Variants in PCK2 observed in about 807,000 individuals in gnomAD.
PCK2 encodes phosphoenolpyruvate carboxykinase [GTP], mitochondrial.
In PCK2, 56 loss-of-function variants were observed where a neutral mutation model predicts 65.9. The observed-to-expected ratio is 0.85, with a 90% CI of 0.69 to 1.06. PCK2 has a LOEUF of 1.06. Ranked by LOEUF, PCK2 falls within the 50% of genes least tolerant of loss-of-function variation. PCK2 has a pLI of 0.00. For synonymous variants in PCK2, 305 were observed against 319.6 expected, an observed-to-expected ratio of 0.95 and a Z score of 0.49; for missense variants, 843 against 863.1, an observed-to-expected ratio of 0.98 and a Z score of 0.29.
At chr14:24,098,779 C>A in intron 4 of PCK2, 101 bp downstream of exon 4, 1 of 1,000,960 alleles carries the variant, frequency 1.0e-6, no homozygotes, top group Non-Finnish European at 1.5e-6. Context: ...CCTGTCCTCT[C>A]TGGCAACCTA....
rs899922299 is a variant in PCK2 at position 24,094,539 on chromosome 14, T to A, written c.29+105T>A. On this transcript the variant is annotated intron_variant, in intron 1 of 9. Coordinates refer to ENST00000216780, the MANE Select transcript of PCK2 (RefSeq NM_004563.4). This position sits in a 1 kb window ranked among gnomAD's most constrained non-coding sequence, Gnocchi z 4.1. ...CTCTCAGCCTCCGCCAGGTTTCCCA[T>A]CCTAGGCGGAGGCGGGCAGGGGCGA... 5.5e-6 allele frequency: 8 copies of A among 1,442,238 alleles called. No homozygotes were observed. In the African/African-American group the frequency reaches 1.2e-4, roughly 21 times the overall value. The allele number at this position is 1,442,238 out of a possible 1,614,324, so 89.3% of individuals were successfully genotyped here.
At chr14:24,102,271 C>A (rs2037192262) in intron 7 of PCK2, among the ~76,000 whole-genome samples, 1 of 152,148 alleles carries the variant, frequency 6.6e-6, no homozygotes, top group Admixed American at 6.6e-5. Context: ...ATTTGGATAA[C>A]TTAGGAGAAC....
At chr14:24,099,801 T>C (rs1594300885) in intron 6 of PCK2, 81 bp downstream of exon 6, 3 of 1,398,698 alleles carry the variant, frequency 2.1e-6, no homozygotes, top group Non-Finnish European at 2.8e-6. Context: ...CACAATGACT[T>C]TGTCAGTGAG....
At chr14:24,097,680 G>A (rs1286417711) in intron 2 of PCK2, among the ~76,000 whole-genome samples, 5 of 151,422 alleles carry the variant, frequency 3.3e-5, no homozygotes, top group Non-Finnish European at 5.9e-5. Context: ...CTCTGCCTCC[G>A]GGGAATTGTC....
At position 24,103,945 on chromosome 14, in the gene PCK2, G is replaced by T. The variant is rs754301219; in HGVS notation, c.1904G>T (p.Arg635Ile). ...TTGGCTGAGCTTGAGGCCCTGGAGA[G>T]ACGTGTGCACAAAATGTGACCTGAG... ...EVLAELEALE[R>I]RVHKM Residue 635 changes from arginine (R) to isoleucine (I), a missense_variant, in exon 10 of 10, where the codon AGA becomes ATA. Transcript: ENST00000216780. The T allele has an allele frequency of 5.6e-6, 9 of 1,613,688 alleles. No homozygotes were observed. The East Asian group carries it at 2.0e-4, about 36-fold the overall frequency.
In PCK2 at chr14:24,096,924, G is replaced by C. The variant is rs2036910570; in HGVS notation, c.62G>C (p.Trp21Ser). The change falls in exon 2 of 10, where the codon TGG becomes TCG. Residue 21 changes from tryptophan (W) to serine (S), a missense_variant. Physicochemically the swap from Trp to Ser is radical, Grantham distance 177. Transcript: ENST00000216780. ...TGGCATGGGCTGAGCCCCTTGGGCT[G>C]GCCATCATGCCGTAGCATCCAGACC... Reference protein sequence around the residue: ...LNWHGLSPLGWPSCRSIQTLR... With the variant: ...LNWHGLSPLGSPSCRSIQTLR... 1 of 1,613,364 alleles carries C rather than the reference G, an allele frequency of 6.2e-7. No homozygotes were observed. The highest frequency in any genetic ancestry group is 1.3e-5 in the African/African-American group (1 of 75,012).
chr14:24,103,857 G>A lies in PCK2; in HGVS notation c.1816G>A (p.Glu606Lys), dbSNP rs767114732. 2 of 1,614,166 alleles carry A rather than the reference G, an allele frequency of 1.2e-6. No individual in the cohort carries two copies. The highest frequency in any genetic ancestry group is 1.7e-5 in the Admixed American group (1 of 60,012). Reference protein sequence around the residue: ...FSLPKDFWEQEVRDIRSYLTE... With the variant: ...FSLPKDFWEQKVRDIRSYLTE... ...CCTCCCCAAGGACTTCTGGGAACAG[G>A]AGGTTCGTGACATTCGGAGCTACCT... The change falls in exon 10 of 10, where the codon GAG (glutamate) becomes AAG (lysine). Residue 606 changes from glutamate (E) to lysine (K), a missense_variant. Coordinates refer to ENST00000216780, the MANE Select transcript of PCK2 (RefSeq NM_004563.4).
Position 24,099,210 on chromosome 14 carries a change from G to T in PCK2, c.826G>T (p.Glu276Ter). The T allele has an allele frequency of 6.2e-7, 1 of 1,600,290 alleles. No homozygotes were observed. Residue 276 changes from glutamate to a stop codon, truncating the protein, a stop_gained, in exon 5 of 10, where the codon GAG becomes TAG. Transcript: ENST00000216780. LOFTEE classifies it high-confidence loss of function. Reference sequence around the variant, plus strand: ...CATCGCCTCTCGGCTGGCCCGGGATGAGGGCTGGCTGGCAGAGCACATGCT... The same window carrying T: ...CATCGCCTCTCGGCTGGCCCGGGATTAGGGCTGGCTGGCAGAGCACATGCT... ...LRIASRLARD[E>*]GWLAEHMLIL...
At position 24,100,308 on chromosome 14, in the gene PCK2, C is replaced by T. The variant is rs965719628; in HGVS notation, c.1234+95C>T. On this transcript the variant is annotated intron_variant, in intron 7 of 9. Coordinates refer to ENST00000216780, the MANE Select transcript of PCK2 (RefSeq NM_004563.4). ...CACAACCTCCAACCATCTTCTAGGA[C>T]TGCCAGGAGGCACAGAAGTCATGAA... The T allele has an allele frequency of 5.2e-6, 8 of 1,539,962 alleles. No individual in the cohort carries two copies. In the African/African-American group the frequency reaches 9.7e-5, roughly 19 times the overall value.
intron 1 of PCK2, among the ~76,000 whole-genome samples, chr14:24,096,163 T>C (rs1223434069): frequency 6.6e-6 from 1 of 150,546 alleles, no homozygotes; most frequent in Non-Finnish European, 1.5e-5. Flanking sequence ...ATACCAGACA[T>C]ATGAAATTGT....
At chr14:24,099,360 A>T in intron 5 of PCK2, 124 bp downstream of exon 5, 3 of 1,083,630 alleles carry the variant, frequency 2.8e-6, no homozygotes, top group Non-Finnish European at 3.9e-6. Flanking sequence ...ACTCTACTTG[A>T]AGGCCCAAAG....
intron 4 of PCK2, among the ~76,000 whole-genome samples, 174 bp from the exon 5 acceptor site, chr14:24,098,875 G>A (rs1399291328): frequency 6.6e-6 from 1 of 152,232 alleles, no homozygotes; most frequent in East Asian, 1.9e-4. Flanking sequence ...AAAAATCCGT[G>A]TCCAAGAATA....
chr14:24,094,643 T>TC lies in PCK2; in HGVS notation c.29+213dup. 1 of 1,487,478 alleles carries TC rather than the reference T, an allele frequency of 6.7e-7. No individual in the cohort carries two copies. Among genetic ancestry groups the TC allele is most frequent in the South Asian group, 1.3e-5 (1 of 75,734 alleles). The allele number at this position is 1,487,478 out of a possible 1,614,324, so 92.1% of individuals were successfully genotyped here. On this transcript the variant is annotated intron_variant, in intron 1 of 9. Transcript: ENST00000216780. This position sits in a 1 kb window ranked among gnomAD's most constrained non-coding sequence, Gnocchi z 4.1. ...GGTGCTCCTCGTTTCCGCCTGCACC[T>TC]CCCCTTCTCTGCCTCGCTCGCCTCT...
chr14:24,094,997 G>A lies in PCK2; in HGVS notation c.29+563G>A, dbSNP rs1017600254. 6.6e-5 allele frequency: 36 copies of A among 545,062 alleles called. No individual in the cohort carries two copies. Among genetic ancestry groups the A allele is most frequent in the Non-Finnish European group, 1.1e-4 (36 of 320,744 alleles). 33.8% of individuals were successfully genotyped at this position (545,062 alleles called of 1,614,324 possible). On this transcript the variant is annotated intron_variant, in intron 1 of 9. Transcript: ENST00000216780. The surrounding 1 kb of genome is among the most constrained non-coding windows in gnomAD (Gnocchi z 4.1). ...ACCTGGGCCCAGGGGAGGGAGGCAA[G>A]CAAGGTGGGAGGAGGGCGCCAAGTT...
At chr14:24,098,699 A>C in intron 4 of PCK2, 21 bp downstream of exon 4, 1 of 1,603,190 alleles carries the variant, frequency 6.2e-7, no homozygotes, top group South Asian at 1.1e-5. Flanking sequence ...GCTCTGCCCC[A>C]AGGGGAACAC....
In PCK2 at chr14:24,097,082, C is replaced by G. The variant is rs761048577; in HGVS notation, c.220C>G (p.Leu74Val). 1.1e-5 allele frequency: 18 copies of G among 1,613,608 alleles called. No individual in the cohort carries two copies. The highest frequency in any genetic ancestry group is 1.4e-5 in the Non-Finnish European group (17 of 1,179,608). ...DGTEAENTAT[L>V]TLLEQQGLIR... Reference sequence around the variant, plus strand: ...AACTGAGGCTGAGAATACTGCCACACTGACCCTGCTGGAGCAGCAGGGCCT... The same window carrying G: ...AACTGAGGCTGAGAATACTGCCACAGTGACCCTGCTGGAGCAGCAGGGCCT... Residue 74 changes from leucine to valine, a missense_variant, in exon 2 of 10, where the codon CTG becomes GTG. Leu to Val is a conservative substitution (Grantham distance 32). Coordinates refer to ENST00000216780, the MANE Select transcript of PCK2 (RefSeq NM_004563.4).
chr14:24,098,352 G>A lies in PCK2; in HGVS notation c.425G>A (p.Arg142Gln), dbSNP rs758347746. The A allele has an allele frequency of 1.8e-5, 29 of 1,613,356 alleles. No homozygotes were observed. Among genetic ancestry groups the A allele is most frequent in the South Asian group, 9.9e-5 (9 of 91,030 alleles). Residue 142 changes from arginine (R) to glutamine (Q), a missense_variant, in exon 3 of 10, where the codon CGA becomes CAA. Coordinates refer to ENST00000216780, the MANE Select transcript of PCK2 (RefSeq NM_004563.4). Reference sequence around the variant, plus strand: ...TGGATGTCCCCAGCTGATTTCCAGCGAGCTGTGGATGAGAGGTTTCCAGGC... The same window carrying A: ...TGGATGTCCCCAGCTGATTTCCAGCAAGCTGTGGATGAGAGGTTTCCAGGC... ...GNWMSPADFQ[R>Q]AVDERFPGCM...
intron 7 of PCK2, chr14:24,100,602 A>T (rs2037124784): frequency 1.9e-6 from 2 of 1,064,856 alleles, no homozygotes. Flanking sequence ...AAAAGGAAGG[A>T]CTTTTGAACA....
chr14:24,099,680 T>C lies in PCK2; in HGVS notation c.975T>C (p.Cys325=). 6.2e-7 allele frequency: 1 copy of C among 1,613,676 alleles called. No homozygotes were observed. The highest frequency in any genetic ancestry group is 2.2e-5 in the East Asian group (1 of 44,876). Residue 325 remains cysteine, a synonymous_variant, in exon 6 of 10, where the codon TGT becomes TGC. Transcript: ENST00000216780. The part of the protein sequence containing the change: ...RPALPGWKVE[C]VGDDIAWMRF... The stretch of plus-strand genomic sequence containing the variant: ...CACTGCCAGGCTGGAAAGTGGAGTG[T>C]GTGGGGGATGATATTGCTTGGATGA...
Sources: gnomAD v4.1 joint callset for allele counts (sites outside exome capture counted in the v4.1 genomes callset) on GRCh38, gnomAD v4.1.1 for gene constraint, Gnocchi (gnomAD v3.1) non-coding constraint, MANE v1.5 for transcripts, NCBI Gene and HGNC (gene_info 2026-07-23, HGNC 2026-07-21) for gene names.